The following CSMD3 variants were observed in gnomAD, a reference collection of about 807,000 sequenced individuals.
CSMD3 encodes the protein CUB and Sushi multiple domains 3.
CSMD3 carries 177 observed loss-of-function variants against 435.2 expected under a neutral mutation model. That is an observed-to-expected ratio of 0.41 (90% CI 0.36 to 0.46). The LOEUF (loss-of-function observed/expected upper bound fraction) is 0.46. CSMD3 is among the 20% of genes least tolerant of loss of function. The probability of loss-of-function intolerance (pLI) is 0.34; values close to 1 mark genes in which losing one functional copy is unlikely to be tolerated. For synonymous variants in CSMD3, 1,656 were observed against 1,520.5 expected, an observed-to-expected ratio of 1.09 and a Z score of -2.07; for missense variants, 4,265 against 4,504.6, an observed-to-expected ratio of 0.95 and a Z score of 1.52.
intron 13 of CSMD3, among the ~76,000 whole-genome samples, chr8:112,729,471 TAAAAAGTGAA>T (rs1484175703): frequency 6.6e-6 from 1 of 152,110 alleles, no homozygotes; most frequent in Non-Finnish European, 1.5e-5. Flanking sequence ...ATAATAGCGT[TAAAAAGTGAA>T]ACAAAGATTT....
intron 32 of CSMD3, among the ~76,000 whole-genome samples, chr8:112,425,692 T>A (rs1463340715): frequency 6.6e-6 from 1 of 152,184 alleles, no homozygotes; most frequent in Non-Finnish European, 1.5e-5. Context: ...TTAGATAATT[T>A]TTTAACATTC....
chr8:112,651,170 TA>T (rs1298085374), intron 18 of CSMD3, among the ~76,000 whole-genome samples: 1 of 152,206 alleles, frequency 6.6e-6, no homozygotes, highest in Non-Finnish European at 1.5e-5. Flanking sequence ...AACAAGTAAT[TA>T]TTTTTTTCTT....
At chr8:112,938,115 C>T (rs1039690690) in intron 9 of CSMD3, among the ~76,000 whole-genome samples, 66 of 152,204 alleles carry the variant, frequency 4.3e-4, no homozygotes, top group African/African-American at 1.4e-3. Flanking sequence ...GCTGGAACTG[C>T]CTGTTGTAAT....
chr8:113,077,505 A>C (rs1460695327), intron 5 of CSMD3, among the ~76,000 whole-genome samples: 1 of 151,952 alleles, frequency 6.6e-6, no homozygotes, highest in East Asian at 1.9e-4. Context: ...AGTTCCAGAC[A>C]AGCCTGATCA....
intron 24 of CSMD3, among the ~76,000 whole-genome samples, chr8:112,563,127 A>G (rs889377114): frequency 6.6e-6 from 1 of 151,918 alleles, no homozygotes; most frequent in South Asian, 2.1e-4. Context: ...ATAATAAAGA[A>G]TATAAAGGGA....
Position 112,281,291 on chromosome 8 carries a change from T to G in CSMD3, c.9391A>C (p.Thr3131Pro). 1 of 1,613,522 alleles carries G rather than the reference T, an allele frequency of 6.2e-7. No homozygotes were observed. The highest frequency in any genetic ancestry group is 8.5e-7 in the Non-Finnish European group (1 of 1,179,620). The change falls in exon 59 of 71, where the codon ACA becomes CCA. Residue 3131 changes from threonine (T) to proline (P), a missense_variant. Thr to Pro is a conservative substitution (Grantham distance 38). Transcript: ENST00000297405. ...TAAATGACTGAACTAGAAAATGTTGTGCCATCAATTCGGAAGACTTTCCCA... is the reference window on the plus strand; with the variant it reads ...TAAATGACTGAACTAGAAAATGTTGGGCCATCAATTCGGAAGACTTTCCCA... The part of the protein sequence containing the change: ...ANGKVFRIDG[T>P]TFSSSVIYSC...
chr8:113,273,071 T>C (rs2093541998), intron 3 of CSMD3, among the ~76,000 whole-genome samples: 1 of 152,100 alleles, frequency 6.6e-6, no homozygotes. Flanking sequence ...CCAATTACTC[T>C]TATTTGATCA....
chr8:112,422,340 T>C (rs1812610522), intron 32 of CSMD3, among the ~76,000 whole-genome samples: 1 of 152,210 alleles, frequency 6.6e-6, no homozygotes, highest in Non-Finnish European at 1.5e-5. Flanking sequence ...AATACACACA[T>C]CATTTATATA....
chr8:112,316,254 A>G (rs1234242131), intron 47 of CSMD3, among the ~76,000 whole-genome samples: 1 of 151,702 alleles, frequency 6.6e-6, no homozygotes, highest in Non-Finnish European at 1.5e-5. Flanking sequence ...TTCTACTTCA[A>G]CCTGGGATTT....
chr8:112,975,251 T>C (rs1453413825), intron 7 of CSMD3, among the ~76,000 whole-genome samples: 1 of 152,094 alleles, frequency 6.6e-6, no homozygotes, highest in Non-Finnish European at 1.5e-5. Flanking sequence ...TATCAATGAA[T>C]AGCTGTTACC....
At chr8:113,190,981 A>G (rs1280991035) in intron 3 of CSMD3, among the ~76,000 whole-genome samples, 3 of 151,832 alleles carry the variant, frequency 2.0e-5, no homozygotes, top group African/African-American at 7.2e-5. Flanking sequence ...TCAATTCCTT[A>G]AAGAAAAATT....
chr8:113,161,187 C>T (rs1457440839), intron 4 of CSMD3, among the ~76,000 whole-genome samples: 1 of 152,044 alleles, frequency 6.6e-6, no homozygotes, highest in African/African-American at 2.4e-5. Flanking sequence ...AGATTCACAC[C>T]AAAGGCAAGT....
chr8:112,582,569 T>A (rs1830409883), intron 23 of CSMD3, among the ~76,000 whole-genome samples: 2 of 151,872 alleles, frequency 1.3e-5, no homozygotes, highest in African/African-American at 2.4e-5. Context: ...TAAGCCATGG[T>A]TAGGGCTTTA....
intron 8 of CSMD3, among the ~76,000 whole-genome samples, chr8:112,948,588 T>C (rs943668863): frequency 5.3e-5 from 8 of 152,072 alleles, no homozygotes; most frequent in Non-Finnish European, 1.2e-4. Flanking sequence ...ATCCCCAAGT[T>C]AGATTTTTAT....
intron 13 of CSMD3, among the ~76,000 whole-genome samples, chr8:112,763,660 C>T (rs2077900352): frequency 6.7e-6 from 1 of 148,380 alleles, no homozygotes; most frequent in Non-Finnish European, 1.5e-5. Context: ...ATGTTAGTTA[C>T]TTCGTGTTAA....
At chr8:112,744,469 T>C (rs2077384115) in intron 13 of CSMD3, among the ~76,000 whole-genome samples, 2 of 152,062 alleles carry the variant, frequency 1.3e-5, no homozygotes, top group Non-Finnish European at 1.5e-5. Flanking sequence ...ATACAGTATT[T>C]ATCTTTCAGT....
intron 3 of CSMD3, among the ~76,000 whole-genome samples, chr8:113,219,559 C>A (rs1364920146): frequency 2.0e-5 from 3 of 151,216 alleles, no homozygotes; most frequent in East Asian, 1.9e-4. Context: ...AGGACAAATG[C>A]GATCTTTTTA....
intron 57 of CSMD3, among the ~76,000 whole-genome samples, chr8:112,288,868 A>T (rs1586663153): frequency 1.3e-5 from 2 of 152,268 alleles, no homozygotes; most frequent in East Asian, 3.9e-4. Flanking sequence ...TATCTTTAAT[A>T]AAATGAATTA....
intron 13 of CSMD3, among the ~76,000 whole-genome samples, chr8:112,731,342 T>C (rs905074088): frequency 2.6e-5 from 4 of 152,140 alleles, no homozygotes; most frequent in African/African-American, 9.7e-5. Flanking sequence ...TCAAATAGCA[T>C]AGAGAATCTG....
Sources: allele counts gnomAD v4.1 joint callset (sites outside exome capture counted in the v4.1 genomes callset), GRCh38; gene constraint gnomAD v4.1.1; transcripts MANE v1.5; gene names NCBI Gene and HGNC (gene_info 2026-07-23, HGNC 2026-07-21).